The following ANK3 variants were observed in gnomAD, a reference collection of about 807,000 sequenced individuals.
ANK3 encodes the protein ankyrin-3.
A neutral mutation model predicts 370.9 loss-of-function variants in ANK3; 57 were observed. The ratio of observed to expected loss-of-function variants is 0.15; its 90% CI spans 0.12 to 0.19. The LOEUF (loss-of-function observed/expected upper bound fraction) is 0.19. Ranked by LOEUF, ANK3 falls within the 10% of genes least tolerant of loss-of-function variation. The pLI is 1.00. For synonymous variants in ANK3, 1,929 were observed against 1,946.3 expected (o/e 0.99, Z 0.23); for missense variants, 4,439 against 5,302.1 (o/e 0.84, Z 5.06).
intron 2 of ANK3, among the ~76,000 whole-genome samples, chr10:60,446,399 G>T (rs1426735088): frequency 6.6e-6 from 1 of 152,080 alleles, no homozygotes; most frequent in Non-Finnish European, 1.5e-5. Context: ...CTAATTCTGG[G>T]TAGTGCCTGA....
Position 60,074,354 on chromosome 10 carries a change from T to C in ANK3, c.6527A>G (p.Tyr2176Cys). The C allele has an allele frequency of 1.2e-6, 2 of 1,614,046 alleles. No individual in the cohort carries two copies. The highest frequency in any genetic ancestry group is 1.1e-5 in the South Asian group (1 of 91,056). The change falls in exon 37 of 44, where the codon TAT (tyrosine) becomes TGT (cysteine). Residue 2176 changes from tyrosine to cysteine, a missense_variant. Transcript: ENST00000280772. Reference sequence around the variant, plus strand: ...GGGAACATCCCCAGCTGAGGGATCATAGCTCCTGATAACATGAACCACTTC... The same window carrying C: ...GGGAACATCCCCAGCTGAGGGATCACAGCTCCTGATAACATGAACCACTTC... Reference protein sequence around the residue: ...RTEVVHVIRSYDPSAGDVPQT... With the variant: ...RTEVVHVIRSCDPSAGDVPQT...
chr10:60,501,716 A>AG (rs1196707530), intron 2 of ANK3, among the ~76,000 whole-genome samples: 1 of 151,742 alleles, frequency 6.6e-6, no homozygotes, highest in Non-Finnish European at 1.5e-5. Flanking sequence ...AAAAAAAAAA[A>AG]AAAAAAAGAA....
At chr10:60,061,081 T>A (rs899067251) in intron 40 of ANK3, among the ~76,000 whole-genome samples, 1 of 152,192 alleles carries the variant, frequency 6.6e-6, no homozygotes, top group African/African-American at 2.4e-5. Flanking sequence ...TTCTGAATTG[T>A]TGGTCTACAA....
intron 17 of ANK3, among the ~76,000 whole-genome samples, chr10:60,182,423 T>C (rs979189262): frequency 1.3e-5 from 2 of 152,224 alleles, no homozygotes; most frequent in Non-Finnish European, 2.9e-5. Context: ...AAAAAATTAC[T>C]AAGATTATAC....
intron 1 of ANK3, among the ~76,000 whole-genome samples, chr10:60,317,860 C>A: frequency 6.6e-6 from 1 of 152,008 alleles, no homozygotes; most frequent in East Asian, 1.9e-4. Context: ...AATACAGGCA[C>A]CTGCCACCAT....
At chr10:60,579,465 T>C (rs754857123) in intron 2 of ANK3, among the ~76,000 whole-genome samples, 7 of 152,004 alleles carry the variant, frequency 4.6e-5, no homozygotes, top group Non-Finnish European at 1.0e-4. Context: ...ATGAAGATTA[T>C]GCAAGCTGTT....
At chr10:60,733,200 CCCGG>C in intron 1 of ANK3, 1 of 1,226,454 alleles carries the variant, frequency 8.2e-7, no homozygotes, top group Non-Finnish European at 1.0e-6. Flanking sequence ...CTCCCGCCCG[CCCGG>C]GTCCCCGCAT....
At chr10:60,484,896 A>C (rs2075311081) in intron 2 of ANK3, among the ~76,000 whole-genome samples, 2 of 152,180 alleles carry the variant, frequency 1.3e-5, no homozygotes, top group African/African-American at 4.8e-5. Flanking sequence ...TTTCAAAGCC[A>C]CATACACACA....
chr10:60,264,054 A>G (rs1383241548), intron 5 of ANK3, 34 bp from the exon 6 acceptor site: 3 of 1,551,028 alleles, frequency 1.9e-6, no homozygotes, highest in South Asian at 1.2e-5. Flanking sequence ...GATGGGCTCC[A>G]ATGAATATTT....
chr10:60,173,105 C>A lies in ANK3; in HGVS notation c.2266G>T (p.Val756Phe). 6.2e-7 allele frequency: 1 copy of A among 1,614,042 alleles called. No individual in the cohort carries two copies. The highest frequency in any genetic ancestry group is 8.5e-7 in the Non-Finnish European group (1 of 1,179,984). The stretch of plus-strand genomic sequence containing the variant: ...GAGCTTACCTTTGTTTTGGCATTAA[C>A]TTTTGCAGAATGCTGGAGCAGGAAA... ...VNFLLQHSAKVNAKTKNGYTP... is the reference protein window; with the variant it reads ...VNFLLQHSAKFNAKTKNGYTP... The change falls in exon 19 of 44, where the codon GTT becomes TTT. Residue 756 changes from valine (V) to phenylalanine (F), a missense_variant. Physicochemically the swap from Val to Phe is conservative, Grantham distance 50. Transcript: ENST00000280772.
At chr10:60,466,054 A>G (rs768894934) in intron 2 of ANK3, among the ~76,000 whole-genome samples, 2 of 152,058 alleles carry the variant, frequency 1.3e-5, no homozygotes, top group Non-Finnish European at 2.9e-5. Context: ...GCATCACACC[A>G]TGGTCCTGCC....
chr10:60,486,647 G>A (rs2075356918), intron 2 of ANK3, among the ~76,000 whole-genome samples: 1 of 152,120 alleles, frequency 6.6e-6, no homozygotes, highest in African/African-American at 2.4e-5. Context: ...AAGCACGTTT[G>A]AGTTCCAGAC....
intron 1 of ANK3, among the ~76,000 whole-genome samples, chr10:60,328,572 T>C (rs2132926695): frequency 6.6e-6 from 1 of 152,224 alleles, no homozygotes; most frequent in Admixed American, 6.5e-5. Flanking sequence ...ACATACACCC[T>C]CCCAAGACTA....
chr10:60,297,894 A>G (rs2042881841), intron 1 of ANK3, among the ~76,000 whole-genome samples: 3 of 152,144 alleles, frequency 2.0e-5, no homozygotes, highest in African/African-American at 4.8e-5. Context: ...GAGTTTGACT[A>G]TATAAAATAT....
At chr10:60,344,322 C>T (rs1484308403) in intron 1 of ANK3, among the ~76,000 whole-genome samples, 1 of 152,276 alleles carries the variant, frequency 6.6e-6, no homozygotes, top group African/African-American at 2.4e-5. Flanking sequence ...GATGCTAAGA[C>T]AAATGTGATC....
At chr10:60,565,271 T>C (rs1269527746) in intron 2 of ANK3, among the ~76,000 whole-genome samples, 2 of 152,154 alleles carry the variant, frequency 1.3e-5, no homozygotes, top group South Asian at 4.1e-4. Context: ...CATTAGATTC[T>C]CATAAGGAGT....
chr10:60,270,016 A>G, intron 5 of ANK3, 115 bp downstream of exon 5: 1 of 546,484 alleles, frequency 1.8e-6, no homozygotes, highest in Non-Finnish European at 3.1e-6. Flanking sequence ...TTATGAACCC[A>G]CACATTAATA....
chr10:60,036,422 A>ATTTTTTTTTTTTTTTTTTTTTTTTTT lies in ANK3; in HGVS notation c.*19+6224_*19+6249dup, dbSNP rs563946588. Among the ~76,000 whole-genome samples, 5 of 72,292 alleles carry ATTTTTTTTTTTTTTTTTTTTTTTTTT rather than the reference A, an allele frequency of 6.9e-5. 1 individual carries two copies. The highest frequency in any genetic ancestry group is 2.8e-4 in the African/African-American group (4 of 14,242). The allele number at this position is 72,292 out of a possible 152,430, so 47.4% of individuals were successfully genotyped here. A position where few individuals can be genotyped will look rare whatever the true frequency, so the allele number is the denominator to read the frequency against. On this transcript the variant is annotated intron_variant, in intron 43 of 43. Coordinates refer to ENST00000280772, the MANE Select transcript of ANK3 (RefSeq NM_020987.5). ...CTGCGGAAGAGAGAGGTCAGAGGCAATTTTTTTTTTTTTTTTTTTTTTTTT... is the reference window on the plus strand; with the variant it reads ...CTGCGGAAGAGAGAGGTCAGAGGCAATTTTTTTTTTTTTTTTTTTTTTTTTTTTTTTTTTTTTTTTTTTTTTTTTTT...
chr10:60,084,899 A>G, intron 31 of ANK3, 69 bp from the exon 32 acceptor site: 1 of 1,190,066 alleles, frequency 8.4e-7, no homozygotes, highest in Admixed American at 2.7e-5. Context: ...AAAGACTCAC[A>G]ATTAAAAAAA....
Sources: gnomAD v4.1 joint callset for allele counts (sites outside exome capture counted in the v4.1 genomes callset) on GRCh38, gnomAD v4.1.1 for gene constraint, MANE v1.5 for transcripts, NCBI Gene and HGNC (gene_info 2026-07-23, HGNC 2026-07-21) for gene names.